The following FSCN3 variants were observed in gnomAD, a reference collection of about 807,000 sequenced individuals.
FSCN3 encodes the protein fascin actin-bundling protein 3.
In FSCN3, 43 loss-of-function variants were observed where a neutral mutation model predicts 53.5. That is an observed-to-expected ratio of 0.80 (90% confidence interval 0.63 to 1.04). FSCN3 has a LOEUF of 1.04. FSCN3 is among the 50% of genes least tolerant of loss of function. The pLI is 0.00. For missense variants in FSCN3, 594 were observed against 646.5 expected, an observed-to-expected ratio of 0.92 and a Z score of 0.88; for synonymous variants, 235 against 246.6, an observed-to-expected ratio of 0.95 and a Z score of 0.44.
At chr7:127,597,666 G>A (rs180908599) in intron 3 of FSCN3, among the ~76,000 whole-genome samples, 1 of 152,144 alleles carries the variant, frequency 6.6e-6, no homozygotes, top group Non-Finnish European at 1.5e-5. Flanking sequence ...TTTTAGTAGA[G>A]ATGGGGTTTC....
chr7:127,599,479 A>G lies in FSCN3; in HGVS notation c.1219A>G (p.Ile407Val), dbSNP rs752242330. 3.7e-6 allele frequency: 6 copies of G among 1,614,120 alleles called. No individual in the cohort carries two copies. Among genetic ancestry groups the G allele is most frequent in the Non-Finnish European group, 3.4e-6 (4 of 1,179,992 alleles). Residue 407 changes from isoleucine (I) to valine (V), a missense_variant, in exon 5 of 7, where the codon ATA becomes GTA. Transcript: ENST00000265825. ...YVGSSSGHDL[I>V]QCNQDQPDRI... is the part of the protein sequence containing the mutation. Reference sequence around the variant, plus strand: ...GGGCTCCTCATCGGGCCATGACCTCATACAGTGCAACCAGGATCAGCCCGA... The same window carrying G: ...GGGCTCCTCATCGGGCCATGACCTCGTACAGTGCAACCAGGATCAGCCCGA...
At position 127,593,976 on chromosome 7, in the gene FSCN3, G is replaced by C. The variant is rs753549891; in HGVS notation, c.123G>C (p.Ala41=). 6.2e-7 allele frequency: 1 copy of C among 1,612,598 alleles called. No homozygotes were observed. Among genetic ancestry groups the C allele is most frequent in the Non-Finnish European group, 8.5e-7 (1 of 1,179,512 alleles). ...EACKNTVTAT[A]KSLGRRQTWE... is the part of the protein sequence containing the mutation. ...GCAAGAATACAGTCACTGCAACTGC[G>C]AAGAGTTTGGGCAGGAGACAGGTGA... Residue 41 remains alanine (A), a synonymous_variant, in exon 1 of 7, where the codon GCG becomes GCC. Coordinates refer to ENST00000265825, the MANE Select transcript of FSCN3 (RefSeq NM_020369.3).
At chr7:127,600,737 C>T (rs145746398) in intron 6 of FSCN3, among the ~76,000 whole-genome samples, 91 of 152,214 alleles carry the variant, frequency 6.0e-4, no homozygotes, top group Admixed American at 1.3e-3. Context: ...TTAGGGAAAA[C>T]GGATGACTTT....
In FSCN3 at chr7:127,595,483, C is replaced by T. The variant is rs1311747776; in HGVS notation, c.321C>T (p.Leu107=). ...LRFHRNSKWT[L]QCLISGRYLE... is the part of the protein sequence containing the mutation. ...TCCACCGGAACAGCAAGTGGACCCT[C>T]CAGTGCCTAATCTCTGGTCGTTATT... The change falls in exon 2 of 7, where the codon CTC becomes CTT. Residue 107 remains leucine (L), a synonymous_variant. Transcript: ENST00000265825. 1.9e-6 allele frequency: 3 copies of T among 1,614,080 alleles called. No individual in the cohort carries two copies. Among genetic ancestry groups the T allele is most frequent in the Non-Finnish European group, 2.5e-6 (3 of 1,180,038 alleles).
intron 4 of FSCN3, 22 bp from the exon 5 acceptor site, chr7:127,599,359 A>G (rs369301871): frequency 1.3e-5 from 21 of 1,599,778 alleles, no homozygotes; most frequent in Non-Finnish European, 1.8e-5. Context: ...CCATCCAGAT[A>G]ACTCCTTCCT....
At chr7:127,596,470 A>G in intron 3 of FSCN3, 24 bp downstream of exon 3, 1 of 1,135,976 alleles carries the variant, frequency 8.8e-7, no homozygotes, top group South Asian at 1.2e-5. Flanking sequence ...TTCCTGAGCA[A>G]GAGAAACCTT....
chr7:127,595,715 C>T lies in FSCN3; in HGVS notation c.553C>T (p.Arg185Ter), dbSNP rs201789940. The T allele has an allele frequency of 1.5e-5, 25 of 1,613,544 alleles. No individual in the cohort carries two copies. Among genetic ancestry groups the T allele is most frequent in the East Asian group, 4.5e-5 (2 of 44,846 alleles). The change falls in exon 2 of 7, where the codon CGA becomes TGA. Residue 185 changes from arginine (R) to a stop codon, truncating the protein, a stop_gained. Coordinates refer to ENST00000265825, the MANE Select transcript of FSCN3 (RefSeq NM_020369.3). LOFTEE classifies it high-confidence loss of function. ...GGAGTGTGGCTTCCTGTTGCATTTCCGAGATGGATGCTACCACCTGGAGAC... is the reference window on the plus strand; with the variant it reads ...GGAGTGTGGCTTCCTGTTGCATTTCTGAGATGGATGCTACCACCTGGAGAC... The part of the protein sequence containing the change: ...LEECGFLLHF[R>*]DGCYHLETST...
Position 127,600,259 on chromosome 7 carries a change from C to T in FSCN3, c.1357C>T (p.Leu453Phe). 1.9e-6 allele frequency: 3 copies of T among 1,610,714 alleles called. No homozygotes were observed. The highest frequency in any genetic ancestry group is 2.5e-6 in the Non-Finnish European group (3 of 1,176,818). The change falls in exon 6 of 7, where the codon CTC becomes TTC. Residue 453 changes from leucine (L) to phenylalanine (F), a missense_variant. By Grantham distance (22) the Leu-to-Phe change is conservative. Coordinates refer to ENST00000265825, the MANE Select transcript of FSCN3 (RefSeq NM_020369.3). ...CTTTCGCCCTTGGGGCAAGTTTGCC[C>T]TCAACTTCTGTATCGAGCTTCAGGG... ...GTFRPWGKFA[L>F]NFCIELQGSN...
At chr7:127,594,056 G>A in intron 1 of FSCN3, 59 bp downstream of exon 1, 5 of 1,582,146 alleles carry the variant, frequency 3.2e-6, no homozygotes. Flanking sequence ...GTGTGTGTGT[G>A]TGTGCGCGCG....
chr7:127,598,327 A>G, intron 3 of FSCN3, 108 bp from the exon 4 acceptor site: 3 of 1,038,668 alleles, frequency 2.9e-6, no homozygotes, highest in Admixed American at 1.9e-5. Context: ...AGCATGAAAA[A>G]GGCTGATGAG....
Position 127,600,224 on chromosome 7 carries a change from C to T in FSCN3, c.1322C>T (p.Ser441Phe). The T allele has an allele frequency of 6.2e-7, 1 of 1,609,124 alleles. No homozygotes were observed. The highest frequency in any genetic ancestry group is 1.7e-5 in the Admixed American group (1 of 60,034). The change falls in exon 6 of 7, where the codon TCC becomes TTC. Residue 441 changes from serine to phenylalanine, a missense_variant. Physicochemically the swap from Ser to Phe is radical, Grantham distance 155. Coordinates refer to ENST00000265825, the MANE Select transcript of FSCN3 (RefSeq NM_020369.3). ...AQGGSFWSIT[S>F]FGTFRPWGKF... ...GGGGGATCCTTCTGGTCAATAACATCCTTTGGCACCTTTCGCCCTTGGGGC... is the reference window on the plus strand; with the variant it reads ...GGGGGATCCTTCTGGTCAATAACATTCTTTGGCACCTTTCGCCCTTGGGGC...
At chr7:127,600,025 C>G (rs1383070695) in intron 5 of FSCN3, among the ~76,000 whole-genome samples, 169 bp from the exon 6 acceptor site, 2 of 151,746 alleles carry the variant, frequency 1.3e-5, no homozygotes, top group African/African-American at 4.8e-5. Context: ...GAACAGAAAA[C>G]AGTGGAATCC....
intron 4 of FSCN3, 47 bp from the exon 5 acceptor site, chr7:127,599,334 A>C: frequency 6.6e-7 from 1 of 1,518,568 alleles, no homozygotes; most frequent in Non-Finnish European, 9.1e-7. Context: ...ACTTGGGAAA[A>C]CACCTAAAGG....
intron 3 of FSCN3, 91 bp downstream of exon 3, chr7:127,596,537 G>C (rs1794391927): frequency 4.8e-6 from 3 of 625,306 alleles, no homozygotes; most frequent in Admixed American, 2.4e-5. Context: ...CAAATGATGA[G>C]AGGATGATGT....
At position 127,595,511 on chromosome 7, in the gene FSCN3, G is replaced by C; in HGVS notation, c.349G>C (p.Glu117Gln). The change falls in exon 2 of 7, where the codon GAG becomes CAG. Residue 117 changes from glutamate to glutamine, a missense_variant. Physicochemically the swap from Glu to Gln is conservative, Grantham distance 29. Transcript: ENST00000265825. ...LQCLISGRYL[E>Q]SNGKDVFCTS... ...GTGCCTAATCTCTGGTCGTTATTTG[G>C]AGTCCAATGGCAAGGACGTGTTTTG... 1.2e-6 allele frequency: 2 copies of C among 1,614,140 alleles called. No homozygotes were observed. The highest frequency in any genetic ancestry group is 2.2e-5 in the South Asian group (2 of 91,080).
At chr7:127,599,585 C>A (rs772231177) in intron 5 of FSCN3, 34 bp downstream of exon 5, 1 of 1,591,958 alleles carries the variant, frequency 6.3e-7, no homozygotes, top group East Asian at 2.2e-5. Flanking sequence ...CAAGGGTTCA[C>A]AGTCTAGTCC....
chr7:127,596,863 G>T (rs1366856419), intron 3 of FSCN3, among the ~76,000 whole-genome samples: 2 of 152,140 alleles, frequency 1.3e-5, no homozygotes, highest in African/African-American at 2.4e-5. Context: ...TTTGCAGTCA[G>T]TTTCCCTCCA....
intron 1 of FSCN3, chr7:127,594,968 T>C: frequency 2.1e-6 from 1 of 468,504 alleles, no homozygotes; most frequent in South Asian, 1.7e-5. Context: ...AAGTAAGACT[T>C]ACACCAAAGC....
chr7:127,594,160 CTGTGTGTGTGTGTGTG>C (rs749215425), intron 1 of FSCN3, among the ~76,000 whole-genome samples, 163 bp downstream of exon 1: 7 of 89,204 alleles, frequency 7.8e-5, no homozygotes, highest in Non-Finnish European at 1.1e-4. Context: ...AGTGGCCAAG[CTGTGTGTGTGTGTGTG>C]TGTGTGTGTG....
Sources: allele counts gnomAD v4.1 joint callset (sites outside exome capture counted in the v4.1 genomes callset), GRCh38; gene constraint gnomAD v4.1.1; transcripts MANE v1.5; gene names NCBI Gene and HGNC (gene_info 2026-07-23, HGNC 2026-07-21).